Variants in CNTNAP4 observed in about 807,000 individuals in gnomAD.
CNTNAP4 encodes the protein contactin associated protein family member 4, also known as contactin-associated protein-like 4.
Under a neutral mutation model 148.4 loss-of-function variants are expected in CNTNAP4, and 98 were observed. The observed-to-expected ratio is 0.66, with a 90% CI of 0.56 to 0.78. The LOEUF (loss-of-function observed/expected upper bound fraction) is 0.78, where lower values mean the gene tolerates loss of function less well. CNTNAP4 is among the 30% of genes least tolerant of loss of function. CNTNAP4 has a pLI of 0.00. For missense variants in CNTNAP4, 1,935 were observed against 1,565.6 expected, an observed-to-expected ratio of 1.24 and a Z score of -3.98; for synonymous variants, 730 against 565.1, an observed-to-expected ratio of 1.29 and a Z score of -4.14.
chr16:76,485,875 T>C (rs2082008590), intron 12 of CNTNAP4, among the ~76,000 whole-genome samples: 1 of 152,256 alleles, frequency 6.6e-6, no homozygotes, highest in Non-Finnish European at 1.5e-5. Context: ...TCCAGAAGGC[T>C]GGCTCTCTCC....
chr16:76,433,203 G>T (rs564615004), intron 4 of CNTNAP4, among the ~76,000 whole-genome samples: 1 of 152,176 alleles, frequency 6.6e-6, no homozygotes, highest in East Asian at 1.9e-4. Flanking sequence ...TGAATGAATG[G>T]GGGCAAGCTT....
chr16:76,502,636 A>G (rs1031752828), intron 15 of CNTNAP4, among the ~76,000 whole-genome samples: 5 of 152,170 alleles, frequency 3.3e-5, no homozygotes, highest in African/African-American at 1.2e-4. Flanking sequence ...GAGAGCTTGA[A>G]CTAGGCAATG....
At chr16:76,295,440 T>G (rs1039042300) in intron 1 of CNTNAP4, among the ~76,000 whole-genome samples, 1 of 152,162 alleles carries the variant, frequency 6.6e-6, no homozygotes, top group African/African-American at 2.4e-5. Context: ...CTGATTAGAT[T>G]TGCTTTTTAT....
rs2081000773 is a variant in CNTNAP4 at position 76,462,224 on chromosome 16, T to C, written c.1483+119T>C. Reference sequence around the variant, plus strand: ...AATACTAAGGAATAATTTTTCACTGTCTTTGATCACGGACATTTTGGGTGG... The same window carrying C: ...AATACTAAGGAATAATTTTTCACTGCCTTTGATCACGGACATTTTGGGTGG... On this transcript the variant is annotated intron_variant, in intron 9 of 23. Coordinates refer to ENST00000611870, the MANE Select transcript of CNTNAP4 (RefSeq NM_033401.5). 32 of 934,014 alleles carry C rather than the reference T, an allele frequency of 3.4e-5. No homozygotes were observed. The South Asian group carries it at 5.6e-4, about 16-fold the overall frequency. The allele number at this position is 934,014 out of a possible 1,614,324, so 57.9% of individuals were successfully genotyped here.
intron 3 of CNTNAP4, among the ~76,000 whole-genome samples, chr16:76,399,850 A>G (rs1172038170): frequency 6.6e-6 from 1 of 152,234 alleles, no homozygotes; most frequent in Non-Finnish European, 1.5e-5. Flanking sequence ...TGAAGAGAGC[A>G]TGCTAATTTT....
chr16:76,552,890 C>A (rs976813210), intron 21 of CNTNAP4, among the ~76,000 whole-genome samples: 3 of 152,152 alleles, frequency 2.0e-5, no homozygotes, highest in East Asian at 3.9e-4. Context: ...AGTCTTGAAA[C>A]CTGTACTGAA....
chr16:76,457,390 C>G (rs1408895166), intron 8 of CNTNAP4, among the ~76,000 whole-genome samples: 1 of 152,236 alleles, frequency 6.6e-6, no homozygotes, highest in East Asian at 1.9e-4. Context: ...GAAAAGCTTT[C>G]TGAAGGTTCC....
chr16:76,545,160 T>C (rs975381110), intron 21 of CNTNAP4, among the ~76,000 whole-genome samples: 10 of 152,220 alleles, frequency 6.6e-5, no homozygotes, highest in African/African-American at 2.4e-4. Flanking sequence ...TTACAATCTT[T>C]TAAAAAAATG....
At chr16:76,488,411 A>G (rs936540644) in intron 12 of CNTNAP4, among the ~76,000 whole-genome samples, 6 of 152,206 alleles carry the variant, frequency 3.9e-5, no homozygotes, top group African/African-American at 7.2e-5. Flanking sequence ...CAGAAAAATA[A>G]TAATCCACAC....
chr16:76,433,157 G>C lies in CNTNAP4; in HGVS notation c.538+5558G>C, dbSNP rs572408163. Among the ~76,000 whole-genome samples the C allele has an allele frequency of 2.7e-4, 41 of 152,016 alleles. 1 individual carries two copies. The highest frequency in any genetic ancestry group is 9.9e-4 in the African/African-American group (41 of 41,480). On this transcript the variant is annotated intron_variant, in intron 4 of 23. Transcript: ENST00000611870. ...ACCAGACATTCTTTTTTTGTTATTAGTCTTCTGGATAAAGACTAATAACAA... is the reference window on the plus strand; with the variant it reads ...ACCAGACATTCTTTTTTTGTTATTACTCTTCTGGATAAAGACTAATAACAA...
At chr16:76,325,449 C>T (rs1597199597) in intron 2 of CNTNAP4, among the ~76,000 whole-genome samples, 1 of 151,990 alleles carries the variant, frequency 6.6e-6, no homozygotes, top group Non-Finnish European at 1.5e-5. Context: ...TGAAATCATA[C>T]AGAGTAAGTG....
chr16:76,289,926 C>T (rs1470635438), intron 1 of CNTNAP4, among the ~76,000 whole-genome samples: 1 of 152,124 alleles, frequency 6.6e-6, no homozygotes, highest in Non-Finnish European at 1.5e-5. Flanking sequence ...TGGTAAAACC[C>T]ATCACTTGTA....
chr16:76,317,293 C>T (rs1324633284), intron 2 of CNTNAP4, among the ~76,000 whole-genome samples: 1 of 75,778 alleles, frequency 1.3e-5, no homozygotes, highest in African/African-American at 4.0e-5. Flanking sequence ...AAAAAAAAAC[C>T]CAAAAAACCC....
At chr16:76,422,728 G>A (rs2079232946) in intron 3 of CNTNAP4, among the ~76,000 whole-genome samples, 1 of 152,020 alleles carries the variant, frequency 6.6e-6, no homozygotes, top group Non-Finnish European at 1.5e-5. Context: ...TTCCTCAGTT[G>A]TAAAGTGGGT....
At chr16:76,290,859 C>T (rs567583228) in intron 1 of CNTNAP4, among the ~76,000 whole-genome samples, 1 of 152,326 alleles carries the variant, frequency 6.6e-6, no homozygotes, top group Admixed American at 6.5e-5. Flanking sequence ...GCCAAAAGTC[C>T]ATCAAAATGC....
chr16:76,395,325 G>A (rs2078161096), intron 3 of CNTNAP4, among the ~76,000 whole-genome samples: 1 of 151,586 alleles, frequency 6.6e-6, no homozygotes, highest in African/African-American at 2.4e-5. Flanking sequence ...GAATGCAATG[G>A]CGCAATCTTG....
chr16:76,468,868 T>C (rs986456601), intron 10 of CNTNAP4, among the ~76,000 whole-genome samples: 5 of 152,218 alleles, frequency 3.3e-5, no homozygotes, highest in Admixed American at 2.6e-4. Context: ...ATTTTAATTA[T>C]TGAGTTTAAT....
chr16:76,412,973 T>A (rs2078850172), intron 3 of CNTNAP4, among the ~76,000 whole-genome samples: 1 of 151,454 alleles, frequency 6.6e-6, no homozygotes, highest in Admixed American at 6.6e-5. Flanking sequence ...TAGTGATCAA[T>A]CCTTCTTTAA....
At chr16:76,546,025 C>T (rs1181177276) in intron 21 of CNTNAP4, among the ~76,000 whole-genome samples, 1 of 147,088 alleles carries the variant, frequency 6.8e-6, no homozygotes, top group Non-Finnish European at 1.5e-5. Context: ...CACAGCAAGA[C>T]TCCATTTCAA....
Sources: allele counts gnomAD v4.1 joint callset (sites outside exome capture counted in the v4.1 genomes callset), GRCh38; gene constraint gnomAD v4.1.1; transcripts MANE v1.5; gene names NCBI Gene and HGNC (gene_info 2026-07-23, HGNC 2026-07-21).